Variants in GALNTL6 observed in about 807,000 individuals in gnomAD.
The protein encoded by GALNTL6 is polypeptide N-acetylgalactosaminyltransferase like 6, also known as polypeptide N-acetylgalactosaminyltransferase-like 6.
GALNTL6 carries 46 observed loss-of-function variants against 73.7 expected under a neutral mutation model. The observed-to-expected ratio is 0.62, with a 90% CI of 0.49 to 0.80. GALNTL6 has a LOEUF of 0.80. Ranked by LOEUF, GALNTL6 falls within the 30% of genes least tolerant of loss-of-function variation. GALNTL6 has a pLI of 0.00. For missense variants in GALNTL6, 604 were observed against 755.0 expected (o/e 0.80, Z 2.34); for synonymous variants, 259 against 263.7 (o/e 0.98, Z 0.17).
intron 7 of GALNTL6, among the ~76,000 whole-genome samples, chr4:172,821,282 T>A (rs1354149718): frequency 6.6e-6 from 1 of 152,192 alleles, no homozygotes; most frequent in African/African-American, 2.4e-5. Context: ...ATCAATGCCT[T>A]CATTCATTCA....
intron 7 of GALNTL6, among the ~76,000 whole-genome samples, chr4:172,842,999 C>G (rs1487441147): frequency 6.6e-6 from 1 of 152,050 alleles, no homozygotes. Flanking sequence ...CACTCTTTGT[C>G]TCTATTATGT....
intron 7 of GALNTL6, among the ~76,000 whole-genome samples, chr4:172,864,089 ACTGTGAGGC>A (rs1327840365): frequency 6.6e-6 from 1 of 152,144 alleles, no homozygotes; most frequent in African/African-American, 2.4e-5. Flanking sequence ...TTCTGCCATG[ACTGTGAGGC>A]CTCCCCAGCC....
chr4:172,463,216 A>G (rs547649549), intron 5 of GALNTL6, among the ~76,000 whole-genome samples: 28 of 152,014 alleles, frequency 1.8e-4, no homozygotes, highest in Non-Finnish European at 4.0e-4. Context: ...TCATCTTGCT[A>G]TTTCTAGAGC....
intron 5 of GALNTL6, among the ~76,000 whole-genome samples, chr4:172,799,781 A>G (rs1277391481): frequency 6.6e-6 from 1 of 152,178 alleles, no homozygotes; most frequent in Non-Finnish European, 1.5e-5. Context: ...CCAAAACAAC[A>G]ACTGAAAGCA....
chr4:172,308,161 GTAAATGAATTTTTACTGTTTAC>G (rs1268893934), intron 3 of GALNTL6, among the ~76,000 whole-genome samples: 1 of 119,646 alleles, frequency 8.4e-6, no homozygotes, highest in Non-Finnish European at 1.8e-5. Flanking sequence ...TCATTTACCA[GTAAATGAATTTTTACTGTTTAC>G]TGGTAAATGA....
chr4:172,081,454 A>T (rs1226414142), intron 2 of GALNTL6, among the ~76,000 whole-genome samples: 1 of 152,188 alleles, frequency 6.6e-6, no homozygotes, highest in Non-Finnish European at 1.5e-5. Flanking sequence ...CCTGGCCAAC[A>T]TGGTGAAACC....
At chr4:172,483,123 C>T (rs1417635166) in intron 5 of GALNTL6, among the ~76,000 whole-genome samples, 1 of 152,014 alleles carries the variant, frequency 6.6e-6, no homozygotes, top group Non-Finnish European at 1.5e-5. Context: ...TTTAATTTTG[C>T]ATGGAAAATT....
intron 2 of GALNTL6, among the ~76,000 whole-genome samples, chr4:171,934,696 A>G (rs138877103): frequency 8.1e-4 from 124 of 152,226 alleles, no homozygotes; most frequent in African/African-American, 2.7e-3. Flanking sequence ...GATTATGGGC[A>G]TGAGCCACTG....
At position 172,789,786 on chromosome 4, in the gene GALNTL6, G is replaced by A. The variant is rs189405321; in HGVS notation, c.554-19575G>A. 1.3e-4 allele frequency among the ~76,000 whole-genome samples: 20 copies of A among 152,314 alleles called. No individual in the cohort carries two copies. The East Asian group carries it at 3.5e-3, about 26-fold the overall frequency. On this transcript the variant is annotated intron_variant, in intron 5 of 12. Transcript: ENST00000506823. Reference sequence around the variant, plus strand: ...TTAGAACCAGAATCAGAAAGGTGGGGGAAGATTAGAGTCCTGCCTTGGGGC... The same window carrying A: ...TTAGAACCAGAATCAGAAAGGTGGGAGAAGATTAGAGTCCTGCCTTGGGGC...
At chr4:172,448,466 T>A (rs952224833) in intron 5 of GALNTL6, among the ~76,000 whole-genome samples, 32 of 152,170 alleles carry the variant, frequency 2.1e-4, no homozygotes, top group African/African-American at 7.7e-4. Flanking sequence ...TTTATCAATT[T>A]ACACAATGCT....
chr4:172,269,905 C>T (rs959465309), intron 3 of GALNTL6, among the ~76,000 whole-genome samples: 3 of 152,004 alleles, frequency 2.0e-5, no homozygotes, highest in Non-Finnish European at 4.4e-5. Flanking sequence ...GTGCCTGCCA[C>T]CATGGCCAGC....
rs759658091 is a variant in GALNTL6, at chr4:172,337,556, AT to A, written c.387-10957del. 2.6e-3 allele frequency among the ~76,000 whole-genome samples: 392 copies of A among 150,102 alleles called. 1 individual carries two copies. Among genetic ancestry groups the A allele is most frequent in the African/African-American group, 7.6e-3 (310 of 41,008 alleles). ...AAAAGCTTAGTTTAGTGGTACATTA[AT>A]TTTTTTTTTAAGAGTGCTGGCTATA... On this transcript the variant is annotated intron_variant, in intron 4 of 12. Transcript: ENST00000506823.
chr4:172,169,890 A>C (rs533691963), intron 2 of GALNTL6, among the ~76,000 whole-genome samples: 1 of 152,348 alleles, frequency 6.6e-6, no homozygotes, highest in South Asian at 2.1e-4. Context: ...AAGGAGTCTG[A>C]GGAACAGCTT....
rs142001371 is a variant in GALNTL6 at position 172,938,952 on chromosome 4, T to G, written c.1149+7684T>G. Among the ~76,000 whole-genome samples, 317 of 152,324 alleles carry G rather than the reference T, an allele frequency of 2.1e-3. 2 individuals are homozygous for G. Among genetic ancestry groups the G allele is most frequent in the African/African-American group, 7.4e-3 (308 of 41,570 alleles). On this transcript the variant is annotated intron_variant, in intron 9 of 12. Transcript: ENST00000506823. Reference sequence around the variant, plus strand: ...TAATACTTTTGCTCAAAACTAAAGATGATTCACATACTGCAATTATATGTT... The same window carrying G: ...TAATACTTTTGCTCAAAACTAAAGAGGATTCACATACTGCAATTATATGTT...
chr4:172,604,739 G>C (rs1312145073), intron 5 of GALNTL6, among the ~76,000 whole-genome samples: 2 of 152,140 alleles, frequency 1.3e-5, no homozygotes, highest in Non-Finnish European at 2.9e-5. Context: ...TAACAGTTTA[G>C]TATCTTTTGT....
chr4:172,419,296 A>T (rs1730961563), intron 5 of GALNTL6, among the ~76,000 whole-genome samples: 1 of 152,172 alleles, frequency 6.6e-6, no homozygotes, highest in Non-Finnish European at 1.5e-5. Flanking sequence ...CTGGCTGCCA[A>T]CTTTGGTGAT....
chr4:172,909,151 A>G (rs769352632), intron 8 of GALNTL6, among the ~76,000 whole-genome samples: 3 of 151,850 alleles, frequency 2.0e-5, no homozygotes, highest in Non-Finnish European at 2.9e-5. Context: ...CAGAACAACT[A>G]CCCATTTTGA....
chr4:172,339,470 G>C (rs1228235923), intron 4 of GALNTL6, among the ~76,000 whole-genome samples: 1 of 152,038 alleles, frequency 6.6e-6, no homozygotes, highest in East Asian at 1.9e-4. Context: ...TTCTGGCTCT[G>C]GAGGCTCCTA....
rs370343941 is a variant in GALNTL6, at chr4:172,734,181, TGG to T, written c.554-75179_554-75178del. Among the ~76,000 whole-genome samples, 677 of 152,202 alleles carry T rather than the reference TGG, an allele frequency of 4.4e-3. 5 individuals carry two copies. The highest frequency in any genetic ancestry group is 0.016 in the African/African-American group (648 of 41,522). ...ACTTCAGAGAGATTAGGGTATCTGGTGGAAGAAATTTCTAAGCAGCATTGTGT... is the reference window on the plus strand; with the variant it reads ...ACTTCAGAGAGATTAGGGTATCTGGTAAGAAATTTCTAAGCAGCATTGTGT... On this transcript the variant is annotated intron_variant, in intron 5 of 12. Transcript: ENST00000506823.
Sources: gnomAD v4.1 joint callset for allele counts (sites outside exome capture counted in the v4.1 genomes callset) on GRCh38, gnomAD v4.1.1 for gene constraint, MANE v1.5 for transcripts, NCBI Gene and HGNC (gene_info 2026-07-23, HGNC 2026-07-21) for gene names.